The following ZNF639 variants were observed in gnomAD, a reference collection of about 807,000 sequenced individuals.
The protein encoded by ZNF639 is zinc finger amplified in esophageal squamous cell carcinomas 1.
Under a neutral mutation model 39.8 loss-of-function variants are expected in ZNF639, and 20 were observed. That is an observed-to-expected ratio of 0.50 (90% confidence interval 0.35 to 0.73). The LOEUF is 0.73. Ranked by LOEUF, ZNF639 falls within the 30% of genes least tolerant of loss-of-function variation. The pLI is 0.00. For missense variants in ZNF639, 477 were observed against 566.2 expected, an observed-to-expected ratio of 0.84 and a Z score of 1.60; for synonymous variants, 176 against 189.8, an observed-to-expected ratio of 0.93 and a Z score of 0.60.
intron 4 of ZNF639, among the ~76,000 whole-genome samples, chr3:179,332,060 A>G (rs1441039178): frequency 1.3e-5 from 2 of 152,234 alleles, no homozygotes; most frequent in African/African-American, 2.4e-5. Context: ...ACAGCCAACA[A>G]TAGCATAGAG....
At chr3:179,326,309 C>G (rs1056166485) in intron 1 of ZNF639, among the ~76,000 whole-genome samples, 1 of 152,056 alleles carries the variant, frequency 6.6e-6, no homozygotes, top group Non-Finnish European at 1.5e-5. Context: ...TGCAATGAGC[C>G]AAGATCGTGC....
At chr3:179,323,017 C>G, upstream of ZNF639, 1 of 985,210 alleles carries the variant, frequency 1.0e-6, no homozygotes, top group Non-Finnish European at 1.2e-6. Flanking sequence ...TCCCCGCCCT[C>G]TCGGCGGGCC....
intron 4 of ZNF639, among the ~76,000 whole-genome samples, chr3:179,330,645 G>A (rs954263462): frequency 1.3e-4 from 20 of 152,186 alleles, no homozygotes; most frequent in Non-Finnish European, 1.2e-4. Flanking sequence ...CAGAGTTGGA[G>A]TATTTATGTT....
intron 1 of ZNF639, among the ~76,000 whole-genome samples, chr3:179,324,094 G>A (rs1390021907): frequency 1.3e-5 from 2 of 152,100 alleles, no homozygotes; most frequent in East Asian, 3.8e-4. Context: ...ACAATTTAAA[G>A]CATATGCTTA....
In ZNF639 at chr3:179,329,574, A is replaced by G. The variant is rs376879412; in HGVS notation, c.59-44A>G. The G allele has an allele frequency of 5.5e-6, 6 of 1,092,458 alleles. No individual in the cohort carries two copies. The African/African-American group carries it at 7.9e-5, about 14-fold the overall frequency. The allele number at this position is 1,092,458 out of a possible 1,614,324, so 67.7% of individuals were successfully genotyped here. On this transcript the variant is annotated intron_variant, in intron 3 of 5. Coordinates refer to ENST00000496856, the MANE Select transcript of ZNF639 (RefSeq NM_001303426.2). ...GATAACGGGAAGTTTCTCATTAAAT[A>G]TGTATGTTTACTGTACTTGAAATAT...
rs1009535656 is a variant in ZNF639, at chr3:179,326,478, A to T, written c.-82-1083A>T. On this transcript the variant is annotated intron_variant, in intron 1 of 5. Coordinates refer to ENST00000496856, the MANE Select transcript of ZNF639 (RefSeq NM_001303426.2). ...GTGCCTCAGTTTCCTCAATAACAGG[A>T]ACTATAATTTTGAGAGGGTGATGTG... Among the ~76,000 whole-genome samples, 9 of 152,336 alleles carry T rather than the reference A, an allele frequency of 5.9e-5. No individual in the cohort carries two copies. In the East Asian group the frequency reaches 1.7e-3, roughly 29 times the overall value.
upstream of ZNF639, chr3:179,323,015 C>T: frequency 2.0e-6 from 2 of 985,238 alleles, no homozygotes; most frequent in Non-Finnish European, 1.2e-6. Flanking sequence ...CCTCCCCGCC[C>T]TCTCGGCGGG....
In ZNF639 at chr3:179,334,130, T is replaced by C; in HGVS notation, c.1166T>C (p.Val389Ala). Residue 389 changes from valine (V) to alanine (A), a missense_variant, in exon 6 of 6, where the codon GTT becomes GCT. Val to Ala is a moderately conservative substitution (Grantham distance 64). Coordinates refer to ENST00000496856, the MANE Select transcript of ZNF639 (RefSeq NM_001303426.2). ...TTTCGGAGTAGACTTCACACAAATG[T>C]TAACAGGCATGTTGCTATTGAACAT... is the stretch of plus-strand genomic sequence containing the variant. ...CGFRSRLHTN[V>A]NRHVAIEHTK... is the part of the protein sequence containing the mutation. The C allele has an allele frequency of 6.2e-7, 1 of 1,614,142 alleles. No homozygotes were observed.
intron 1 of ZNF639, chr3:179,323,730 C>G: frequency 6.6e-6 from 1 of 152,326 alleles, no homozygotes; most frequent in East Asian, 1.9e-4. Flanking sequence ...CCGGCGGCTT[C>G]GTGACCTCCG....
upstream of ZNF639, chr3:179,322,933 C>T (rs575726397): frequency 9.1e-6 from 9 of 985,100 alleles, no homozygotes; most frequent in Admixed American, 4.3e-4. Flanking sequence ...GGCTGCGGGC[C>T]GGTGGTCCCT....
chr3:179,335,629 A>G lies in ZNF639; in HGVS notation c.*1207A>G, dbSNP rs1167800493. ...GGTCTCACAGTTGTGAAGGCCAGAC[A>G]TTCAAAATGGAGTTATTGGCAGTTG... On this transcript the variant is annotated 3_prime_UTR_variant, in exon 6 of 6. Coordinates refer to ENST00000496856, the MANE Select transcript of ZNF639 (RefSeq NM_001303426.2). 1 of 152,244 alleles carries G rather than the reference A, an allele frequency of 6.6e-6. No homozygotes were observed. Among genetic ancestry groups the G allele is most frequent in the Non-Finnish European group, 1.5e-5 (1 of 68,048 alleles). The allele number at this position is 152,244 out of a possible 1,614,324, so 9.4% of individuals were successfully genotyped here. A position where few individuals can be genotyped will look rare whatever the true frequency, so the allele number is the denominator to read the frequency against.
At chr3:179,325,928 C>G (rs1457751974) in intron 1 of ZNF639, among the ~76,000 whole-genome samples, 6 of 152,062 alleles carry the variant, frequency 3.9e-5, no homozygotes, top group Non-Finnish European at 7.4e-5. Flanking sequence ...ATCTCATTCC[C>G]TGCTGTATTA....
rs1728029738 is a variant in ZNF639, at chr3:179,333,395, T to A, written c.431T>A (p.Val144Glu). Residue 144 changes from valine to glutamate, a missense_variant, in exon 6 of 6, where the codon GTG becomes GAG. Val to Glu is a moderately radical substitution (Grantham distance 121). Coordinates refer to ENST00000496856, the MANE Select transcript of ZNF639 (RefSeq NM_001303426.2). ...TAEDVPIAVE[V>E]HAISEDYDIE... ...GAAGATGTTCCAATTGCTGTAGAAG[T>A]GCATGCGATTTCTGAGGATTATGAT... The A allele has an allele frequency of 6.2e-7, 1 of 1,614,106 alleles. No individual in the cohort carries two copies. Among genetic ancestry groups the A allele is most frequent in the Non-Finnish European group, 8.5e-7 (1 of 1,180,020 alleles).
chr3:179,329,757 TC>T, intron 4 of ZNF639, 29 bp downstream of exon 4: 1 of 1,223,170 alleles, frequency 8.2e-7, no homozygotes, highest in Non-Finnish European at 1.2e-6. Context: ...AAAATATGTT[TC>T]TTTAAACTGC....
intron 1 of ZNF639, among the ~76,000 whole-genome samples, chr3:179,326,255 G>A (rs1020266220): frequency 1.3e-5 from 2 of 152,136 alleles, no homozygotes; most frequent in African/African-American, 4.8e-5. Context: ...CGGCCACTCA[G>A]GAGGCTGAAG....
Position 179,334,369 on chromosome 3 carries a change from T to C in ZNF639, c.1405T>C (p.Phe469Leu). ...PHKCSDCLMR[F>L]GNERELISHL... ...TAAATGTAGTGACTGCTTGATGAGGTTTGGAAATGAAAGGGAATTAATAAG... is the reference window on the plus strand; with the variant it reads ...TAAATGTAGTGACTGCTTGATGAGGCTTGGAAATGAAAGGGAATTAATAAG... The change falls in exon 6 of 6, where the codon TTT (phenylalanine) becomes CTT (leucine). Residue 469 changes from phenylalanine (F) to leucine (L), a missense_variant. Physicochemically the swap from Phe to Leu is conservative, Grantham distance 22. Transcript: ENST00000496856. The C allele has an allele frequency of 6.3e-7, 1 of 1,591,004 alleles. No individual in the cohort carries two copies. Among genetic ancestry groups the C allele is most frequent in the Non-Finnish European group, 8.5e-7 (1 of 1,170,102 alleles).
Position 179,333,591 on chromosome 3 carries a change from T to C in ZNF639, c.627T>C (p.Cys209=), listed in dbSNP as rs1305323978. ...GTGGCCTCTATAAATGTGAACTTTG[T>C]GAGTTTAACAGCAAATATTTTTCTG... ...NSSGLYKCEL[C]EFNSKYFSDL... The change falls in exon 6 of 6, where the codon TGT becomes TGC. Residue 209 remains cysteine, a synonymous_variant. Coordinates refer to ENST00000496856, the MANE Select transcript of ZNF639 (RefSeq NM_001303426.2). 1.2e-6 allele frequency: 2 copies of C among 1,614,140 alleles called. No homozygotes were observed. Among genetic ancestry groups the C allele is most frequent in the Non-Finnish European group, 1.7e-6 (2 of 1,180,036 alleles).
rs936038089 is a variant in ZNF639, at chr3:179,333,198, T to G, written c.305-71T>G. On this transcript the variant is annotated intron_variant, in intron 5 of 5. Coordinates refer to ENST00000496856, the MANE Select transcript of ZNF639 (RefSeq NM_001303426.2). Reference sequence around the variant, plus strand: ...TAAAAAAAGTGCATGCAATAAATTTTTTTTTGCCCAGTTGTATTTAACAGA... The same window carrying G: ...TAAAAAAAGTGCATGCAATAAATTTGTTTTTGCCCAGTTGTATTTAACAGA... 3.9e-6 allele frequency: 6 copies of G among 1,556,666 alleles called. No individual in the cohort carries two copies. In the African/African-American group the frequency reaches 4.2e-5, roughly 11 times the overall value.
At chr3:179,324,127 A>C (rs1262864299) in intron 1 of ZNF639, among the ~76,000 whole-genome samples, 1 of 152,224 alleles carries the variant, frequency 6.6e-6, no homozygotes, top group Non-Finnish European at 1.5e-5. Context: ...CGAAAAAGAA[A>C]GCTTAACTCT....
Sources: gnomAD v4.1 joint callset for allele counts (sites outside exome capture counted in the v4.1 genomes callset) on GRCh38, gnomAD v4.1.1 for gene constraint, MANE v1.5 for transcripts, NCBI Gene and HGNC (gene_info 2026-07-23, HGNC 2026-07-21) for gene names.